The following PPARA variants were observed in gnomAD, a reference collection of about 807,000 sequenced individuals.
The protein encoded by PPARA is peroxisome proliferator activated receptor alpha.
Under a neutral mutation model 42.2 loss-of-function variants are expected in PPARA, and 22 were observed. The observed-to-expected ratio is 0.52, with a 90% confidence interval of 0.37 to 0.74. The LOEUF is 0.74. Among genes scored for constraint, PPARA ranks in the 30% least tolerant of loss-of-function variants. PPARA has a pLI of 0.00. For missense variants in PPARA, 465 were observed against 608.2 expected (o/e 0.76, Z 2.48); for synonymous variants, 242 against 239.3 (o/e 1.01, Z -0.10).
chr22:46,158,629 T>C (rs1925684649), intron 2 of PPARA, among the ~76,000 whole-genome samples: 1 of 152,208 alleles, frequency 6.6e-6, no homozygotes, highest in Admixed American at 6.5e-5. Flanking sequence ...TCAAGTGACA[T>C]GCAAATCTTG....
In PPARA at chr22:46,188,552, C is replaced by CACTT. The variant is rs1931115164; in HGVS notation, c.-42-9789_-42-9786dup. ...TCACCTGCTAGTTGGGCAAGTTACT[C>CACTT]ACTTCTCTCAACCTCTGCATTTTTC... On this transcript the variant is annotated intron_variant, in intron 3 of 8. Transcript: ENST00000407236. This position sits in a 1 kb window ranked among gnomAD's most constrained non-coding sequence, Gnocchi z 5.0. 6.6e-6 allele frequency among the ~76,000 whole-genome samples: 1 copy of CACTT among 152,122 alleles called. No homozygotes were observed. Among genetic ancestry groups the CACTT allele is most frequent in the African/African-American group, 2.4e-5 (1 of 41,430 alleles).
At position 46,200,312 on chromosome 22, in the gene PPARA, G is replaced by T. The variant is rs1932780748; in HGVS notation, c.208+1721G>T. On this transcript the variant is annotated intron_variant, in intron 4 of 8. Coordinates refer to ENST00000407236, the MANE Select transcript of PPARA (RefSeq NM_005036.6). This position sits in a 1 kb window ranked among gnomAD's most constrained non-coding sequence, Gnocchi z 4.8. ...CATCCTTAGGTGATTTCATCATTGTGTGAAAGTCATAGAGTACACTTAAAC... is the reference window on the plus strand; with the variant it reads ...CATCCTTAGGTGATTTCATCATTGTTTGAAAGTCATAGAGTACACTTAAAC... Among the ~76,000 whole-genome samples, 1 of 152,372 alleles carries T rather than the reference G, an allele frequency of 6.6e-6. No individual in the cohort carries two copies. Among genetic ancestry groups the T allele is most frequent in the Non-Finnish European group, 1.5e-5 (1 of 68,038 alleles).
rs1024754908 is a variant in PPARA, at chr22:46,231,192, G to A, written c.712-600G>A. Among the ~76,000 whole-genome samples the A allele has an allele frequency of 6.6e-5, 10 of 151,946 alleles. No homozygotes were observed. Among genetic ancestry groups the A allele is most frequent in the Non-Finnish European group, 7.4e-5 (5 of 67,998 alleles). On this transcript the variant is annotated intron_variant, in intron 7 of 8. Transcript: ENST00000407236. The surrounding 1 kb of genome is among the most constrained non-coding windows in gnomAD (Gnocchi z 7.7). ...CTGCCTCAGCCTCCCGAGTAGCTGG[G>A]GTTACAGGCACACACTATGCCTGGC...
rs1945771830 is a variant in PPARA, at chr22:46,239,912, T to C, written c.*4532T>C. 2.8e-6 allele frequency: 1 copy of C among 356,826 alleles called. No individual in the cohort carries two copies. Among genetic ancestry groups the C allele is most frequent in the Non-Finnish European group, 5.0e-6 (1 of 200,308 alleles). The allele number at this position is 356,826 out of a possible 1,614,324, so 22.1% of individuals were successfully genotyped here. Reference sequence around the variant, plus strand: ...GCACATCTGCTACTTACCAGCCGCATACATGATGGAGGGTTTTTTGGTCCT... The same window carrying C: ...GCACATCTGCTACTTACCAGCCGCACACATGATGGAGGGTTTTTTGGTCCT... On this transcript the variant is annotated 3_prime_UTR_variant, in exon 9 of 9. Transcript: ENST00000407236.
chr22:46,192,262 C>T lies in PPARA; in HGVS notation c.-42-6080C>T, dbSNP rs1159390160. The stretch of plus-strand genomic sequence containing the variant: ...CACCAGAATTGGGCCCAAGATGCTG[C>T]AGGAATCTATAGGTGAATGGGTTTC... On this transcript the variant is annotated intron_variant, in intron 3 of 8. Coordinates refer to ENST00000407236, the MANE Select transcript of PPARA (RefSeq NM_005036.6). This position sits in a 1 kb window ranked among gnomAD's most constrained non-coding sequence, Gnocchi z 4.3. Among the ~76,000 whole-genome samples the T allele has an allele frequency of 6.6e-6, 1 of 152,212 alleles. No individual in the cohort carries two copies. Among genetic ancestry groups the T allele is most frequent in the African/African-American group, 2.4e-5 (1 of 41,454 alleles).
Position 46,242,904 on chromosome 22 carries a change from C to T in PPARA, c.*7524C>T, listed in dbSNP as rs1936414939. ...GAGGCCTTAGACTCCGTATTAGAGG[C>T]CACCGATTTCATACAACAGTGTTTC... is the stretch of plus-strand genomic sequence containing the variant. On this transcript the variant is annotated 3_prime_UTR_variant, in exon 9 of 9. Transcript: ENST00000407236. This position sits in a 1 kb window ranked among gnomAD's most constrained non-coding sequence, Gnocchi z 6.1. 6.6e-6 allele frequency: 1 copy of T among 152,666 alleles called. No homozygotes were observed. Among genetic ancestry groups the T allele is most frequent in the South Asian group, 2.1e-4 (1 of 4,834 alleles). The allele number at this position is 152,666 out of a possible 1,614,324, so 9.5% of individuals were successfully genotyped here. A position where few individuals can be genotyped will look rare whatever the true frequency, so the allele number is the denominator to read the frequency against.
rs1250535155 is a variant in PPARA, at chr22:46,196,602, C to G, written c.-42-1740C>G. Among the ~76,000 whole-genome samples the G allele has an allele frequency of 1.3e-5, 2 of 152,218 alleles. No homozygotes were observed. Among genetic ancestry groups the G allele is most frequent in the African/African-American group, 4.8e-5 (2 of 41,458 alleles). ...CTGAGGTTATCTCCTGCCCCCTAAT[C>G]AGTGAGGCCTTCCCTGGCCTCACCC... On this transcript the variant is annotated intron_variant, in intron 3 of 8. Transcript: ENST00000407236. The surrounding 1 kb of genome is among the most constrained non-coding windows in gnomAD (Gnocchi z 5.6).
chr22:46,153,163 CTTTTTTT>C (rs996863467), intron 2 of PPARA, among the ~76,000 whole-genome samples: 5 of 109,220 alleles, frequency 4.6e-5, no homozygotes, highest in Non-Finnish European at 7.1e-5. Flanking sequence ...TTCCCACATC[CTTTTTTT>C]TTTTTTTTTT....
rs1601666832 is a variant in PPARA, at chr22:46,180,721, C to T, written c.-43+3885C>T. On this transcript the variant is annotated intron_variant, in intron 3 of 8. Coordinates refer to ENST00000407236, the MANE Select transcript of PPARA (RefSeq NM_005036.6). This position sits in a 1 kb window ranked among gnomAD's most constrained non-coding sequence, Gnocchi z 4.2. ...CTCTGACTTTCTGGATGCAAGTCCA[C>T]TGAGCCAGTGTACACCTTAAATAAA... Among the ~76,000 whole-genome samples the T allele has an allele frequency of 6.6e-6, 1 of 152,204 alleles. No individual in the cohort carries two copies. The highest frequency in any genetic ancestry group is 2.4e-5 in the African/African-American group (1 of 41,446).
chr22:46,158,380 GA>G (rs1002102727), intron 2 of PPARA, among the ~76,000 whole-genome samples: 7 of 150,822 alleles, frequency 4.6e-5, no homozygotes, highest in African/African-American at 7.3e-5. Context: ...GCACATCTCA[GA>G]AAAAAAAAGA....
intron 2 of PPARA, among the ~76,000 whole-genome samples, chr22:46,168,849 C>G (rs977408226): frequency 3.3e-5 from 5 of 151,908 alleles, no homozygotes; most frequent in Non-Finnish European, 7.4e-5. Flanking sequence ...AAATGATAGC[C>G]ACTTTGGAAA....
At position 46,227,976 on chromosome 22, in the gene PPARA, A is replaced by G. The variant is rs944263772; in HGVS notation, c.712-3816A>G. Among the ~76,000 whole-genome samples the G allele has an allele frequency of 2.6e-5, 4 of 152,216 alleles. No homozygotes were observed. The highest frequency in any genetic ancestry group is 9.7e-5 in the African/African-American group (4 of 41,442). On this transcript the variant is annotated intron_variant, in intron 7 of 8. Coordinates refer to ENST00000407236, the MANE Select transcript of PPARA (RefSeq NM_005036.6). The surrounding 1 kb of genome is among the most constrained non-coding windows in gnomAD (Gnocchi z 4.3). ...TAATAAACATTGGTTTCTTCATGGTACCACTCATTTTGAATTCAGTGGTCT... is the reference window on the plus strand; with the variant it reads ...TAATAAACATTGGTTTCTTCATGGTGCCACTCATTTTGAATTCAGTGGTCT...
intron 2 of PPARA, among the ~76,000 whole-genome samples, chr22:46,154,602 GTGAGAC>G (rs1924972102): frequency 2.0e-5 from 3 of 152,082 alleles, no homozygotes; most frequent in Admixed American, 2.0e-4. Flanking sequence ...GGGTGACAGA[GTGAGAC>G]CTGGTCTCAA....
intron 2 of PPARA, among the ~76,000 whole-genome samples, chr22:46,168,980 AC>A (rs1287260458): frequency 1.3e-5 from 2 of 151,958 alleles, no homozygotes; most frequent in Non-Finnish European, 2.9e-5. Flanking sequence ...GAAAGGCAAA[AC>A]TATGAAGACA....
At chr22:46,179,987 A>G (rs923263590) in intron 3 of PPARA, among the ~76,000 whole-genome samples, 34 of 152,218 alleles carry the variant, frequency 2.2e-4, no homozygotes, top group African/African-American at 7.7e-4. Context: ...CATCAGAGCA[A>G]TGCAGATGAA....
At position 46,167,520 on chromosome 22, in the gene PPARA, A is replaced by G. The variant is rs4253642; in HGVS notation, c.-126-9233A>G. Among the ~76,000 whole-genome samples the G allele has an allele frequency of 6.8e-3, 1,032 of 152,066 alleles. 15 individuals carry two copies. Among genetic ancestry groups the G allele is most frequent in the African/African-American group, 0.023 (961 of 41,490 alleles). ...ATGAAAAAATTAGTTGAGCATGATG[A>G]CACTCACCTGTAGTCCCAGCTGCAC... On this transcript the variant is annotated intron_variant, in intron 2 of 8. Coordinates refer to ENST00000407236, the MANE Select transcript of PPARA (RefSeq NM_005036.6). The surrounding 1 kb of genome is among the most constrained non-coding windows in gnomAD (Gnocchi z 4.1).
rs1345006080 is a variant in PPARA, at chr22:46,227,798, T to C, written c.712-3994T>C. 6.6e-6 allele frequency among the ~76,000 whole-genome samples: 1 copy of C among 152,236 alleles called. No homozygotes were observed. Among genetic ancestry groups the C allele is most frequent in the African/African-American group, 2.4e-5 (1 of 41,460 alleles). On this transcript the variant is annotated intron_variant, in intron 7 of 8. Transcript: ENST00000407236. The surrounding 1 kb of genome is among the most constrained non-coding windows in gnomAD (Gnocchi z 4.3). Reference sequence around the variant, plus strand: ...ATGACTGCCTGTCGTGTCAGATATATTCATAGTCAAGCTTGAGTATAAAAG... The same window carrying C: ...ATGACTGCCTGTCGTGTCAGATATACTCATAGTCAAGCTTGAGTATAAAAG...
chr22:46,153,249 A>G (rs1924748561), intron 2 of PPARA, among the ~76,000 whole-genome samples: 1 of 136,598 alleles, frequency 7.3e-6, no homozygotes, highest in Non-Finnish European at 1.5e-5. Flanking sequence ...GGCTCACCGC[A>G]ACGTCCACCT....
chr22:46,154,203 A>G (rs4253623), intron 2 of PPARA, among the ~76,000 whole-genome samples: 17,024 of 152,268 alleles, frequency 0.11, 1,069 homozygotes, highest in South Asian at 0.15. Context: ...AAACTTAAAG[A>G]TAATCCTCAT....
Sources: allele counts gnomAD v4.1 joint callset (sites outside exome capture counted in the v4.1 genomes callset), GRCh38; gene constraint gnomAD v4.1.1; non-coding constraint Gnocchi (gnomAD v3.1); transcripts MANE v1.5; gene names NCBI Gene and HGNC (gene_info 2026-07-23, HGNC 2026-07-21).